The following RAB27B variants were observed in gnomAD, a reference collection of about 807,000 sequenced individuals.
RAB27B encodes the protein ras-related protein Rab-27B.
A neutral mutation model predicts 24.6 loss-of-function variants in RAB27B; 15 were observed. The observed-to-expected ratio is 0.61, with a 90% CI of 0.41 to 0.94. The LOEUF (loss-of-function observed/expected upper bound fraction) is 0.94. Ranked by LOEUF, RAB27B falls within the 40% of genes least tolerant of loss-of-function variation. RAB27B has a pLI of 0.00. For synonymous variants in RAB27B, 105 were observed against 92.5 expected (o/e 1.14, Z -0.78); for missense variants, 261 against 266.8 (o/e 0.98, Z 0.15).
chr18:54,752,641 A>G (rs1265442272), intron 2 of RAB27B, among the ~76,000 whole-genome samples: 1 of 152,182 alleles, frequency 6.6e-6, no homozygotes, highest in Non-Finnish European at 1.5e-5. Context: ...ATTTAAAGTT[A>G]CCTGTGGAAG....
At position 54,845,798 on chromosome 18, in the gene RAB27B, A is replaced by G. The variant is rs11872282; in HGVS notation, c.-20+17098A>G. Among the ~76,000 whole-genome samples, 758 of 152,308 alleles carry G rather than the reference A, an allele frequency of 5.0e-3. 5 individuals are homozygous for G. The highest frequency in any genetic ancestry group is 7.9e-3 in the Non-Finnish European group (537 of 68,020). ...GCCAAAATATAATATTAATTTTGAG[A>G]TAACATACCATCAATCCTTTTGATT... On this transcript the variant is annotated intron_variant, in intron 1 of 5. Coordinates refer to ENST00000262094, the MANE Select transcript of RAB27B (RefSeq NM_004163.4).
At chr18:54,873,566 G>C (rs1349273711) in intron 1 of RAB27B, among the ~76,000 whole-genome samples, 1 of 151,836 alleles carries the variant, frequency 6.6e-6, no homozygotes, top group African/African-American at 2.4e-5. Flanking sequence ...ATTTGCCAAG[G>C]CTTTTTTTTT....
intron 4 of RAB27B, among the ~76,000 whole-genome samples, chr18:54,886,509 T>G (rs1913143874): frequency 6.6e-6 from 1 of 152,114 alleles, no homozygotes; most frequent in African/African-American, 2.4e-5. Context: ...TCAATAACCT[T>G]GTAACTAATG....
At chr18:54,763,338 A>G (rs1908253776) in intron 2 of RAB27B, among the ~76,000 whole-genome samples, 1 of 151,754 alleles carries the variant, frequency 6.6e-6, no homozygotes, top group Non-Finnish European at 1.5e-5. Context: ...TTTATTTTTG[A>G]GAAGTCACAA....
At position 54,726,838 on chromosome 18, in the gene RAB27B, C is replaced by T. The variant is rs371148856; in HGVS notation, c.-20+8697C>T. On this transcript the variant is annotated intron_variant, in intron 2 of 4. Transcript: ENST00000586570. The stretch of plus-strand genomic sequence containing the variant: ...TGCCAGTTTTGAAATATATCTATTT[C>T]GTAAACAATCTCTAGACTGCTAATG... Among the ~76,000 whole-genome samples the T allele has an allele frequency of 1.1e-3, 154 of 144,124 alleles. 5 individuals carry two copies. The highest frequency in any genetic ancestry group is 3.5e-3 in the African/African-American group (142 of 40,198). The allele number at this position is 144,124 out of a possible 152,430, so 94.6% of individuals were successfully genotyped here.
intron 2 of RAB27B, among the ~76,000 whole-genome samples, chr18:54,760,908 A>C (rs111493515): frequency 0.016 from 2,377 of 152,234 alleles, 59 homozygotes; most frequent in African/African-American, 0.053. Context: ...AAATGGGAGA[A>C]TATTCTTTAG....
intron 2 of RAB27B, among the ~76,000 whole-genome samples, chr18:54,734,008 A>G (rs780740037): frequency 6.6e-6 from 1 of 152,212 alleles, no homozygotes; most frequent in Non-Finnish European, 1.5e-5. Flanking sequence ...TAAGTTTACA[A>G]AAGCATAATC....
intron 1 of RAB27B, among the ~76,000 whole-genome samples, chr18:54,831,219 G>T (rs1415780516): frequency 3.3e-5 from 5 of 152,148 alleles, no homozygotes; most frequent in Admixed American, 6.5e-5. Context: ...TCACTGAGAT[G>T]ATATTTTAAT....
chr18:54,864,221 C>T lies in RAB27B; in HGVS notation c.-19-13346C>T, dbSNP rs2145243478. Among the ~76,000 whole-genome samples, 2 of 152,316 alleles carry T rather than the reference C, an allele frequency of 1.3e-5. 1 individual carries two copies. Among genetic ancestry groups the T allele is most frequent in the South Asian group, 4.1e-4 (2 of 4,830 alleles). ...CATCCTTCTGGGTGTAAAGTGGTAT[C>T]TCATTGCAGTTTTGACCCATACTTT... On this transcript the variant is annotated intron_variant, in intron 1 of 5. Coordinates refer to ENST00000262094, the MANE Select transcript of RAB27B (RefSeq NM_004163.4).
At chr18:54,867,582 G>T (rs763290238) in intron 1 of RAB27B, among the ~76,000 whole-genome samples, 1 of 151,760 alleles carries the variant, frequency 6.6e-6, no homozygotes, top group Non-Finnish European at 1.5e-5. Flanking sequence ...GAGTAGCTGG[G>T]ATTACAGGCG....
chr18:54,752,394 G>A (rs972573884), intron 2 of RAB27B, among the ~76,000 whole-genome samples: 4 of 152,124 alleles, frequency 2.6e-5, no homozygotes, highest in Non-Finnish European at 5.9e-5. Flanking sequence ...CCAAGCGTTT[G>A]TAAATTTTAA....
At position 54,830,610 on chromosome 18, in the gene RAB27B, A is replaced by AT. The variant is rs372819448; in HGVS notation, c.-20+1920dup. Among the ~76,000 whole-genome samples the AT allele has an allele frequency of 9.7e-4, 146 of 150,936 alleles. 2 individuals carry two copies. The highest frequency in any genetic ancestry group is 6.3e-4 in the South Asian group (3 of 4,780). On this transcript the variant is annotated intron_variant, in intron 1 of 5. Coordinates refer to ENST00000262094, the MANE Select transcript of RAB27B (RefSeq NM_004163.4). Reference sequence around the variant, plus strand: ...TAAAGATGGCTGCCAAATGGGAATGATTTTTTTTTTAAATTCATTATTAGG... The same window carrying AT: ...TAAAGATGGCTGCCAAATGGGAATGATTTTTTTTTTTAAATTCATTATTAGG...
intron 2 of RAB27B, among the ~76,000 whole-genome samples, chr18:54,755,244 G>C (rs1256958832): frequency 2.0e-5 from 3 of 152,038 alleles, no homozygotes; most frequent in Non-Finnish European, 4.4e-5. Context: ...ACAAAAATTA[G>C]CTGGGCATGG....
At chr18:54,858,509 G>A (rs1182630964) in intron 1 of RAB27B, among the ~76,000 whole-genome samples, 2 of 150,734 alleles carry the variant, frequency 1.3e-5, no homozygotes, top group African/African-American at 2.4e-5. Flanking sequence ...TCAGCCTCCC[G>A]AGTAGCTGGG....
At chr18:54,825,098 T>C (rs892741652), upstream of RAB27B, among the ~76,000 whole-genome samples, 2 of 152,224 alleles carry the variant, frequency 1.3e-5, no homozygotes, top group African/African-American at 4.8e-5. Flanking sequence ...TGATATACAA[T>C]TCTAAGTTCA....
At chr18:54,784,993 C>A (rs542007362) in intron 2 of RAB27B, among the ~76,000 whole-genome samples, 1 of 152,178 alleles carries the variant, frequency 6.6e-6, no homozygotes, top group Non-Finnish European at 1.5e-5. Flanking sequence ...CTAAATATGC[C>A]CTTTGCCCCC....
At chr18:54,757,132 A>T (rs909607746) in intron 2 of RAB27B, among the ~76,000 whole-genome samples, 1 of 152,190 alleles carries the variant, frequency 6.6e-6, no homozygotes, top group Non-Finnish European at 1.5e-5. Context: ...CCAAAGTCTC[A>T]ATTAGGAGAC....
At chr18:54,873,113 C>T (rs1378920279) in intron 1 of RAB27B, among the ~76,000 whole-genome samples, 1 of 151,834 alleles carries the variant, frequency 6.6e-6, no homozygotes, top group Non-Finnish European at 1.5e-5. Flanking sequence ...GTTTCTAACA[C>T]AATTTGTATT....
intron 1 of RAB27B, among the ~76,000 whole-genome samples, chr18:54,861,574 C>T (rs1912010448): frequency 6.6e-6 from 1 of 152,146 alleles, no homozygotes; most frequent in Non-Finnish European, 1.5e-5. Context: ...GTGGTCTACT[C>T]TTCTAGTAGC....
Sources: allele counts gnomAD v4.1 joint callset (sites outside exome capture counted in the v4.1 genomes callset), GRCh38; gene constraint gnomAD v4.1.1; transcripts MANE v1.5; gene names NCBI Gene and HGNC (gene_info 2026-07-23, HGNC 2026-07-21).